Variants in CCDC170 observed in about 807,000 individuals in gnomAD.
The protein encoded by CCDC170 is coiled-coil domain containing 170.
Under a neutral mutation model 72.6 loss-of-function variants are expected in CCDC170, and 69 were observed. The observed-to-expected ratio is 0.95, with a 90% CI of 0.78 to 1.16. The LOEUF is 1.16. Ranked by LOEUF, CCDC170 falls within the 50% of genes most tolerant of loss-of-function variation. The pLI is 0.00. For synonymous variants in CCDC170, 300 were observed against 303.9 expected, an observed-to-expected ratio of 0.99 and a Z score of 0.13; for missense variants, 852 against 832.5, an observed-to-expected ratio of 1.02 and a Z score of -0.29.
chr6:151,535,960 TA>T (rs1388859041), intron 1 of CCDC170, among the ~76,000 whole-genome samples: 1 of 152,162 alleles, frequency 6.6e-6, no homozygotes, highest in East Asian at 1.9e-4. Context: ...TTGCTGTCTC[TA>T]TCTGGTCAGG....
intron 5 of CCDC170, among the ~76,000 whole-genome samples, chr6:151,560,745 T>C (rs1436026423): frequency 1.3e-5 from 2 of 152,188 alleles, no homozygotes; most frequent in South Asian, 2.1e-4. Context: ...GTTGTAGGTT[T>C]AAATTCTGTT....
chr6:151,584,009 T>C (rs145326850), intron 6 of CCDC170, among the ~76,000 whole-genome samples: 1 of 152,172 alleles, frequency 6.6e-6, no homozygotes, highest in Admixed American at 6.5e-5. Flanking sequence ...ATAACAGATA[T>C]CATAGTAATG....
intron 5 of CCDC170, among the ~76,000 whole-genome samples, chr6:151,562,003 G>A: frequency 6.6e-6 from 1 of 151,988 alleles, no homozygotes; most frequent in Non-Finnish European, 1.5e-5. Flanking sequence ...TCTGCTTAGT[G>A]TAATCTATTA....
At chr6:151,598,603 A>G (rs949848602) in intron 9 of CCDC170, among the ~76,000 whole-genome samples, 3 of 152,188 alleles carry the variant, frequency 2.0e-5, no homozygotes, top group Non-Finnish European at 2.9e-5. Flanking sequence ...TAATAGATAT[A>G]GGAGAGATTC....
chr6:151,613,648 T>A (rs992836686), intron 9 of CCDC170, among the ~76,000 whole-genome samples: 8 of 152,244 alleles, frequency 5.3e-5, no homozygotes, highest in African/African-American at 1.9e-4. Flanking sequence ...AAGGTTTACC[T>A]ATGTGGTAGC....
chr6:151,542,876 T>G (rs1782712474), intron 3 of CCDC170, among the ~76,000 whole-genome samples: 1 of 152,256 alleles, frequency 6.6e-6, no homozygotes, highest in Non-Finnish European at 1.5e-5. Flanking sequence ...TCCAAAAGAC[T>G]GAAGAGTTTT....
chr6:151,607,248 T>A (rs1234005441), intron 9 of CCDC170, among the ~76,000 whole-genome samples: 3 of 152,186 alleles, frequency 2.0e-5, no homozygotes, highest in African/African-American at 7.2e-5. Flanking sequence ...CAGTCTATAT[T>A]TTTTAATTGA....
In CCDC170 at chr6:151,536,364, T is replaced by A. The variant is rs1427580735; in HGVS notation, c.104T>A (p.Leu35Ter). The stretch of plus-strand genomic sequence containing the variant: ...GAAGTCCCGGTCACGCGGGAGCAGT[T>A]AAACCACTATCGGAATGTGGCTCAA... ...LSEVPVTREQ[L>*]NHYRNVAQNA... The change falls in exon 2 of 11, where the codon TTA becomes TAA. Residue 35 changes from leucine (L) to a stop codon, truncating the protein, a stop_gained. Coordinates refer to ENST00000239374, the MANE Select transcript of CCDC170 (RefSeq NM_025059.4). LOFTEE classifies it high-confidence loss of function. 4 of 1,614,204 alleles carry A rather than the reference T, an allele frequency of 2.5e-6. No individual in the cohort carries two copies. The South Asian group carries it at 4.4e-5, about 18-fold the overall frequency.
At position 151,536,300 on chromosome 6, in the gene CCDC170, T is replaced by G; in HGVS notation, c.58-18T>G. On this transcript the variant is annotated intron_variant, in intron 1 of 10. Transcript: ENST00000239374. Reference sequence around the variant, plus strand: ...AACACTCTTCTTTATATTTTGTATTTTGGGGGAATTCTACCAGGAAACTTA... The same window carrying G: ...AACACTCTTCTTTATATTTTGTATTGTGGGGGAATTCTACCAGGAAACTTA... The G allele has an allele frequency of 6.2e-7, 1 of 1,612,226 alleles. No individual in the cohort carries two copies. Among genetic ancestry groups the G allele is most frequent in the Non-Finnish European group, 8.5e-7 (1 of 1,178,304 alleles).
At chr6:151,612,941 C>CT (rs1562300127) in intron 9 of CCDC170, among the ~76,000 whole-genome samples, 1 of 109,864 alleles carries the variant, frequency 9.1e-6, no homozygotes, top group Non-Finnish European at 1.8e-5. Flanking sequence ...AAATTCAGAG[C>CT]TGTACTGGTC....
chr6:151,543,463 A>C (rs1782723514), intron 3 of CCDC170, among the ~76,000 whole-genome samples: 2 of 152,104 alleles, frequency 1.3e-5, no homozygotes, highest in Admixed American at 1.3e-4. Flanking sequence ...TGAACATTCA[A>C]AATCCTCTCT....
chr6:151,518,667 C>T lies in CCDC170; in HGVS notation c.58-17651C>T, dbSNP rs534531504. ...TCAGGGGAACCAGCCCCCAATATTT[C>T]AACGTAGGTTCTTTCTATTTTCCCT... On this transcript the variant is annotated intron_variant, in intron 1 of 10. Transcript: ENST00000239374. Among the ~76,000 whole-genome samples, 12 of 152,254 alleles carry T rather than the reference C, an allele frequency of 7.9e-5. No individual in the cohort carries two copies. In the South Asian group the frequency reaches 2.5e-3, roughly 32 times the overall value.
intron 5 of CCDC170, among the ~76,000 whole-genome samples, chr6:151,566,235 C>T (rs1247559650): frequency 6.6e-6 from 1 of 152,182 alleles, no homozygotes; most frequent in Non-Finnish European, 1.5e-5. Context: ...GCTCATGGGC[C>T]TGAGCAGGAG....
chr6:151,548,986 G>T (rs568779611), intron 5 of CCDC170, among the ~76,000 whole-genome samples: 1 of 151,946 alleles, frequency 6.6e-6, no homozygotes. Context: ...CTGAAGCTCC[G>T]CCACCCTGGT....
chr6:151,505,257 A>T (rs1782050408), intron 1 of CCDC170, among the ~76,000 whole-genome samples: 1 of 152,166 alleles, frequency 6.6e-6, no homozygotes, highest in South Asian at 2.1e-4. Context: ...CCCACCAAGC[A>T]TCCAGGTCCC....
Position 151,586,002 on chromosome 6 carries a change from G to A in CCDC170, c.1206G>A (p.Glu402=). ...QRAQKAENML[E]TLQGQLTHLE... The stretch of plus-strand genomic sequence containing the variant: ...CCCAGAAAGCAGAGAATATGTTGGA[G>A]ACTCTTCAGGGTCAGCTGACACACC... The change falls in exon 7 of 11, where the codon GAG becomes GAA. Residue 402 remains glutamate (E), a synonymous_variant. Transcript: ENST00000239374. 1.2e-6 allele frequency: 2 copies of A among 1,614,198 alleles called. No homozygotes were observed. Among genetic ancestry groups the A allele is most frequent in the South Asian group, 2.2e-5 (2 of 91,082 alleles).
chr6:151,590,206 A>T (rs1410003672), intron 7 of CCDC170, among the ~76,000 whole-genome samples: 1 of 152,074 alleles, frequency 6.6e-6, no homozygotes, highest in Non-Finnish European at 1.5e-5. Flanking sequence ...TTGTTTTTAA[A>T]TTTTTTCTTC....
intron 5 of CCDC170, among the ~76,000 whole-genome samples, chr6:151,556,268 C>T (rs1379300720): frequency 2.0e-5 from 3 of 152,136 alleles, no homozygotes; most frequent in Non-Finnish European, 2.9e-5. Flanking sequence ...CCAGCCTGGT[C>T]AACATGGTGA....
At chr6:151,605,158 T>C (rs1409745787) in intron 9 of CCDC170, among the ~76,000 whole-genome samples, 1 of 152,374 alleles carries the variant, frequency 6.6e-6, no homozygotes, top group Non-Finnish European at 1.5e-5. Flanking sequence ...TATCTTTCTG[T>C]ACCTGGCTTA....
Sources: gnomAD v4.1 joint callset for allele counts (sites outside exome capture counted in the v4.1 genomes callset) on GRCh38, gnomAD v4.1.1 for gene constraint, MANE v1.5 for transcripts, NCBI Gene and HGNC (gene_info 2026-07-23, HGNC 2026-07-21) for gene names.